Variants in ZBTB48 observed in about 807,000 individuals in gnomAD.
The protein encoded by ZBTB48 is zinc finger and BTB domain containing 48, also known as zinc finger and BTB domain-containing protein 48.
Under a neutral mutation model 64.5 loss-of-function variants are expected in ZBTB48, and 35 were observed. The ratio of observed to expected loss-of-function variants is 0.54; its 90% CI spans 0.41 to 0.72. The LOEUF is 0.72. ZBTB48 is among the 30% of genes least tolerant of loss of function. The pLI is 0.00. For synonymous variants in ZBTB48, 442 were observed against 356.7 expected (o/e 1.24, Z -2.70); for missense variants, 828 against 895.3 (o/e 0.92, Z 0.96).
chr1:6,586,689 T>C lies in ZBTB48; in HGVS notation c.1045-6T>C. The C allele has an allele frequency of 6.6e-7, 1 of 1,526,440 alleles. No homozygotes were observed. The highest frequency in any genetic ancestry group is 8.8e-7 in the Non-Finnish European group (1 of 1,134,154). 94.6% of individuals were successfully genotyped at this position (1,526,440 alleles called of 1,614,324 possible). A position where few individuals can be genotyped will look rare whatever the true frequency, so the allele number is the denominator to read the frequency against. ...TGCCGGCCCTGCTTGCCCCTCACAC[T>C]GCCAGGTCTTCACGTGCTCTGTGTG... is the stretch of plus-strand genomic sequence containing the variant. On this transcript the variant is annotated splice_region_variant and splice_polypyrimidine_tract_variant and intron_variant, in intron 4 of 10. Coordinates refer to ENST00000377674, the MANE Select transcript of ZBTB48 (RefSeq NM_005341.4).
At chr1:6,586,626 G>T in intron 4 of ZBTB48, 69 bp from the exon 5 acceptor site, 1 of 1,238,130 alleles carries the variant, frequency 8.1e-7, no homozygotes, top group South Asian at 1.5e-5. Context: ...GCGGAAGCCC[G>T]GGCAGAGGCT....
chr1:6,580,623 T>C lies in ZBTB48; in HGVS notation c.14T>C (p.Phe5Ser). 1 of 1,609,872 alleles carries C rather than the reference T, an allele frequency of 6.2e-7. No homozygotes were observed. The highest frequency in any genetic ancestry group is 8.5e-7 in the Non-Finnish European group (1 of 1,176,832). Residue 5 changes from phenylalanine (F) to serine (S), a missense_variant, in exon 2 of 11, where the codon TTC becomes TCC. By Grantham distance (155) the Phe-to-Ser change is radical. Coordinates refer to ENST00000377674, the MANE Select transcript of ZBTB48 (RefSeq NM_005341.4). The surrounding 1 kb of genome is among the most constrained non-coding windows in gnomAD (Gnocchi z 5.2). MDGSFVQHSVRVLQE... is the reference protein window; with the variant it reads MDGSSVQHSVRVLQE... ...GCCCTCCAGACCATGGACGGCTCCT[T>C]CGTCCAGCACAGTGTGAGGGTTCTG... is the stretch of plus-strand genomic sequence containing the variant.
At chr1:6,581,979 G>C (rs1305957554) in intron 2 of ZBTB48, 79 bp from the exon 3 acceptor site, 1 of 1,579,516 alleles carries the variant, frequency 6.3e-7, no homozygotes, top group Non-Finnish European at 8.6e-7. Flanking sequence ...GGCTTGGGAT[G>C]GAACTGGAGC....
Position 6,589,217 on chromosome 1 carries a change from T to C in ZBTB48, c.*5T>C, listed in dbSNP as rs17029628. ...CCCGAGGACTGTGACACATAGCCCATTCTGGCCACCAGAGCCCACTTGGCC... is the reference window on the plus strand; with the variant it reads ...CCCGAGGACTGTGACACATAGCCCACTCTGGCCACCAGAGCCCACTTGGCC... On this transcript the variant is annotated 3_prime_UTR_variant, in exon 11 of 11. Coordinates refer to ENST00000377674, the MANE Select transcript of ZBTB48 (RefSeq NM_005341.4). 36,202 of 1,499,944 alleles carry C rather than the reference T, an allele frequency of 0.024. 498 individuals are homozygous for C. The highest frequency in any genetic ancestry group is 0.043 in the African/African-American group (3,041 of 71,504). 92.9% of individuals were successfully genotyped at this position (1,499,944 alleles called of 1,614,324 possible). A position where few individuals can be genotyped will look rare whatever the true frequency, so the allele number is the denominator to read the frequency against.
chr1:6,580,406 G>A lies in ZBTB48; in HGVS notation c.-69-135G>A, dbSNP rs932274885. On this transcript the variant is annotated intron_variant, in intron 1 of 10. Transcript: ENST00000377674. The surrounding 1 kb of genome is among the most constrained non-coding windows in gnomAD (Gnocchi z 5.2). Reference sequence around the variant, plus strand: ...CATCCCCCCTGGCCAATCCAATATGGCCCCCGGCCCCCGGGAGGCTGTCAG... The same window carrying A: ...CATCCCCCCTGGCCAATCCAATATGACCCCCGGCCCCCGGGAGGCTGTCAG... The A allele has an allele frequency of 1.6e-6, 1 of 611,250 alleles. No individual in the cohort carries two copies. The highest frequency in any genetic ancestry group is 1.9e-5 in the African/African-American group (1 of 53,912). 37.9% of individuals were successfully genotyped at this position (611,250 alleles called of 1,614,324 possible).
Position 6,580,508 on chromosome 1 carries a change from G to A in ZBTB48, c.-69-33G>A. 1 of 1,265,156 alleles carries A rather than the reference G, an allele frequency of 7.9e-7. No homozygotes were observed. The highest frequency in any genetic ancestry group is 1.1e-6 in the Non-Finnish European group (1 of 915,660). The allele number at this position is 1,265,156 out of a possible 1,614,324, so 78.4% of individuals were successfully genotyped here. A position where few individuals can be genotyped will look rare whatever the true frequency, so the allele number is the denominator to read the frequency against. ...TGATAAATATGATTATTTGAGTAGA[G>A]GCCAACTTCCCGTTTCTCTCTCTTG... is the stretch of plus-strand genomic sequence containing the variant. On this transcript the variant is annotated intron_variant, in intron 1 of 10. Coordinates refer to ENST00000377674, the MANE Select transcript of ZBTB48 (RefSeq NM_005341.4). The surrounding 1 kb of genome is among the most constrained non-coding windows in gnomAD (Gnocchi z 5.2).
At position 6,587,641 on chromosome 1, in the gene ZBTB48, C is replaced by A; in HGVS notation, c.1379+9C>A. 6.2e-7 allele frequency: 1 copy of A among 1,612,058 alleles called. No homozygotes were observed. Among genetic ancestry groups the A allele is most frequent in the South Asian group, 1.1e-5 (1 of 90,972 alleles). On this transcript the variant is annotated intron_variant, in intron 7 of 10. Coordinates refer to ENST00000377674, the MANE Select transcript of ZBTB48 (RefSeq NM_005341.4). ...ATCAAGGCCAAGCACAGGTGCGTGT[C>A]GCCCGTTCTCTCTTGGGGCCCAGTC... is the stretch of plus-strand genomic sequence containing the variant.
chr1:6,580,369 C>T lies in ZBTB48; in HGVS notation c.-69-172C>T, dbSNP rs1027250905. On this transcript the variant is annotated intron_variant, in intron 1 of 10. Coordinates refer to ENST00000377674, the MANE Select transcript of ZBTB48 (RefSeq NM_005341.4). The surrounding 1 kb of genome is among the most constrained non-coding windows in gnomAD (Gnocchi z 5.2). ...ACCAGGCCCTTCTTCACGACCCTGGCCCCCCATCCAGCATCCCCCCTGGCC... is the reference window on the plus strand; with the variant it reads ...ACCAGGCCCTTCTTCACGACCCTGGTCCCCCATCCAGCATCCCCCCTGGCC... Among the ~76,000 whole-genome samples, 3 of 146,580 alleles carry T rather than the reference C, an allele frequency of 2.0e-5. No individual in the cohort carries two copies. Among genetic ancestry groups the T allele is most frequent in the Non-Finnish European group, 4.6e-5 (3 of 65,178 alleles).
chr1:6,586,106 C>T, intron 4 of ZBTB48, 76 bp downstream of exon 4: 2 of 1,438,674 alleles, frequency 1.4e-6, no homozygotes, highest in Non-Finnish European at 2.0e-6. Context: ...CGGGAAGGGC[C>T]CCAGGAGACT....
Position 6,580,010 on chromosome 1 carries a change from T to G in ZBTB48, c.-196T>G. 4.9e-6 allele frequency: 1 copy of G among 204,562 alleles called. No homozygotes were observed. The allele number at this position is 204,562 out of a possible 1,614,324, so 12.7% of individuals were successfully genotyped here. On this transcript the variant is annotated 5_prime_UTR_variant, in exon 1 of 11. Transcript: ENST00000377674. This position sits in a 1 kb window ranked among gnomAD's most constrained non-coding sequence, Gnocchi z 5.2. ...CTGGCCTGCACGCTTTGACGTCACG[T>G]CCGGCGCGGAGACGGTGGAGTCTCC...
chr1:6,585,808 G>C (rs1051208194), intron 3 of ZBTB48, 111 bp from the exon 4 acceptor site: 32 of 1,012,098 alleles, frequency 3.2e-5, no homozygotes, highest in Non-Finnish European at 3.5e-5. Flanking sequence ...TAACCAGCCG[G>C]TGTCACCTGA....
At position 6,581,218 on chromosome 1, in the gene ZBTB48, G is replaced by C; in HGVS notation, c.609G>C (p.Glu203Asp). The change falls in exon 2 of 11, where the codon GAG (glutamate) becomes GAC (aspartate). Residue 203 changes from glutamate (E) to aspartate (D), a missense_variant. Physicochemically the swap from Glu to Asp is conservative, Grantham distance 45 (BLOSUM62 2). Coordinates refer to ENST00000377674, the MANE Select transcript of ZBTB48 (RefSeq NM_005341.4). ...LKQALKPCPL[E>D]DKKPEDCKVP... ...AGGCCTTGAAGCCTTGTCCCCTTGAGGACAAGAAACCCGAGGACTGCAAAG... is the reference window on the plus strand; with the variant it reads ...AGGCCTTGAAGCCTTGTCCCCTTGACGACAAGAAACCCGAGGACTGCAAAG... 1 of 1,613,254 alleles carries C rather than the reference G, an allele frequency of 6.2e-7. No homozygotes were observed. Among genetic ancestry groups the C allele is most frequent in the Non-Finnish European group, 8.5e-7 (1 of 1,180,002 alleles).
At position 6,581,288 on chromosome 1, in the gene ZBTB48, G is replaced by T. The variant is rs72634778; in HGVS notation, c.679G>T (p.Gly227Cys). Residue 227 changes from glycine to cysteine, a missense_variant, in exon 2 of 11, where the codon GGC (glycine) becomes TGC (cysteine). Coordinates refer to ENST00000377674, the MANE Select transcript of ZBTB48 (RefSeq NM_005341.4). Reference protein sequence around the residue: ...LEAEGAQLQGGSNEWEVVVQV... With the variant: ...LEAEGAQLQGCSNEWEVVVQV... ...GGCTGAAGGTGCCCAGCTGCAGGGC[G>T]GCAGTAATGAGGTACTGTGCCCAGG... is the stretch of plus-strand genomic sequence containing the variant. 1 of 1,601,848 alleles carries T rather than the reference G, an allele frequency of 6.2e-7. No individual in the cohort carries two copies. Among genetic ancestry groups the T allele is most frequent in the Non-Finnish European group, 8.5e-7 (1 of 1,174,884 alleles).
intron 4 of ZBTB48, 77 bp downstream of exon 4, chr1:6,586,107 C>T: frequency 7.0e-7 from 1 of 1,434,216 alleles, no homozygotes; most frequent in Non-Finnish European, 9.8e-7. Context: ...GGGAAGGGCC[C>T]CAGGAGACTG....
chr1:6,588,713 C>T (rs779972895), intron 9 of ZBTB48, 43 bp from the exon 10 acceptor site: 14 of 1,612,532 alleles, frequency 8.7e-6, no homozygotes, highest in Admixed American at 8.3e-5. Context: ...TCGAGGGTCC[C>T]GGGGCTCCTG....
chr1:6,582,221 A>G lies in ZBTB48; in HGVS notation c.854A>G (p.Lys285Arg), dbSNP rs567710212. Reference sequence around the variant, plus strand: ...GCAGCTGAGCCTGCTGAGAACAGAAAAGGTACAGCGGTGCCGGTCGAATGC... The same window carrying G: ...GCAGCTGAGCCTGCTGAGAACAGAAGAGGTACAGCGGTGCCGGTCGAATGC... ...SLAAEPAENR[K>R]GTAVPVECPT... The change falls in exon 3 of 11, where the codon AAA (lysine) becomes AGA (arginine). Residue 285 changes from lysine (K) to arginine (R), a missense_variant. Physicochemically the swap from Lys to Arg is conservative, Grantham distance 26. Transcript: ENST00000377674. 1.2e-6 allele frequency: 2 copies of G among 1,614,190 alleles called. No individual in the cohort carries two copies. Among genetic ancestry groups the G allele is most frequent in the African/African-American group, 2.7e-5 (2 of 75,058 alleles).
chr1:6,580,476 C>T lies in ZBTB48; in HGVS notation c.-69-65C>T. 2.1e-6 allele frequency: 2 copies of T among 948,796 alleles called. No individual in the cohort carries two copies. Among genetic ancestry groups the T allele is most frequent in the South Asian group, 1.7e-5 (1 of 58,286 alleles). The allele number at this position is 948,796 out of a possible 1,614,324, so 58.8% of individuals were successfully genotyped here. On this transcript the variant is annotated intron_variant, in intron 1 of 10. Transcript: ENST00000377674. The surrounding 1 kb of genome is among the most constrained non-coding windows in gnomAD (Gnocchi z 5.2). Reference sequence around the variant, plus strand: ...TGCACCCCTCACCCTGACCCAAGCCCTCGTGCTGATAAATATGATTATTTG... The same window carrying T: ...TGCACCCCTCACCCTGACCCAAGCCTTCGTGCTGATAAATATGATTATTTG...
intron 2 of ZBTB48, among the ~76,000 whole-genome samples, chr1:6,581,520 C>T (rs759144861): frequency 1.3e-5 from 2 of 151,898 alleles, no homozygotes; most frequent in Non-Finnish European, 2.9e-5. Flanking sequence ...AAAAATTAGC[C>T]GGGTGTGGTG....
Position 6,580,747 on chromosome 1 carries a change from C to T in ZBTB48, c.138C>T (p.Cys46=). 6.2e-7 allele frequency: 1 copy of T among 1,614,230 alleles called. No individual in the cohort carries two copies. The part of the protein sequence containing the change: ...VFKAHWSVLA[C]CSHFFQSLYG... ...AGGCACACTGGAGTGTCCTTGCCTG[C>T]TGCAGTCACTTTTTCCAGAGCCTCT... The change falls in exon 2 of 11, where the codon TGC becomes TGT. Residue 46 remains cysteine, a synonymous_variant. Transcript: ENST00000377674. This position sits in a 1 kb window ranked among gnomAD's most constrained non-coding sequence, Gnocchi z 5.2.
Sources: gnomAD v4.1 joint callset for allele counts (sites outside exome capture counted in the v4.1 genomes callset) on GRCh38, gnomAD v4.1.1 for gene constraint, Gnocchi (gnomAD v3.1) non-coding constraint, MANE v1.5 for transcripts, NCBI Gene and HGNC (gene_info 2026-07-23, HGNC 2026-07-21) for gene names.